ZNF438: variants seen among roughly 807,000 people sequenced by gnomAD.
ZNF438 encodes zinc finger protein 438.
ZNF438 carries 25 observed loss-of-function variants against 38.0 expected under a neutral mutation model. The ratio of observed to expected loss-of-function variants is 0.66; its 90% confidence interval spans 0.48 to 0.92. The LOEUF (loss-of-function observed/expected upper bound fraction) is 0.92. Among genes scored for constraint, ZNF438 ranks in the 40% least tolerant of loss-of-function variants. The pLI is 0.00. For synonymous variants in ZNF438, 372 were observed against 364.1 expected, an observed-to-expected ratio of 1.02 and a Z score of -0.25; for missense variants, 1,007 against 999.6, an observed-to-expected ratio of 1.01 and a Z score of -0.10.
rs773901841 is a variant in ZNF438 at position 30,849,243 on chromosome 10, T to C, written c.1162A>G (p.Lys388Glu). Residue 388 changes from lysine (K) to glutamate (E), a missense_variant, in exon 5 of 6, where the codon AAG becomes GAG. By Grantham distance (56) the Lys-to-Glu change is moderately conservative. Transcript: ENST00000413025. ...AATGCCAAAATTTCATCTGGTACCT[T>C]CCGTTTTCTTCCTTTTCTCTTTGCT... 3.7e-6 allele frequency: 6 copies of C among 1,614,190 alleles called. No individual in the cohort carries two copies. The highest frequency in any genetic ancestry group is 5.1e-6 in the Non-Finnish European group (6 of 1,180,040).
intron 3 of ZNF438, among the ~76,000 whole-genome samples, chr10:30,885,483 C>A (rs982517192): frequency 3.3e-5 from 5 of 152,220 alleles, no homozygotes; most frequent in African/African-American, 1.2e-4. Flanking sequence ...AGACCTACCA[C>A]TAGGTAATTC....
intron 4 of ZNF438, among the ~76,000 whole-genome samples, chr10:30,854,057 C>A (rs1307264113): frequency 6.7e-6 from 1 of 149,766 alleles, no homozygotes; most frequent in Non-Finnish European, 1.5e-5. Context: ...CGGTGGCTCA[C>A]GCCTGTAATC....
intron 1 of ZNF438, among the ~76,000 whole-genome samples, chr10:31,006,788 A>C (rs1348905569): frequency 9.6e-6 from 1 of 104,574 alleles, no homozygotes; most frequent in Admixed American, 1.1e-4. Flanking sequence ...CGGGGGGGGG[A>C]ACTCCCACAC....
intron 2 of ZNF438, among the ~76,000 whole-genome samples, chr10:30,936,234 T>C (rs1041704851): frequency 2.0e-5 from 3 of 152,226 alleles, no homozygotes; most frequent in African/African-American, 7.2e-5. Context: ...GAAAAATACA[T>C]GTAAAGAACA....
chr10:30,846,935 C>T (rs189529918), intron 5 of ZNF438, among the ~76,000 whole-genome samples: 29 of 152,196 alleles, frequency 1.9e-4, no homozygotes, highest in African/African-American at 2.9e-4. Context: ...GGTGTGCACA[C>T]GCTTGAGGCA....
chr10:30,947,569 G>A (rs372744105), intron 1 of ZNF438, among the ~76,000 whole-genome samples: 158 of 135,512 alleles, frequency 1.2e-3, no homozygotes, highest in African/African-American at 2.6e-3. Flanking sequence ...GGAGCTTCCC[G>A]GCTGCTTTGT....
chr10:31,014,592 AGCATGCTCT>A (rs1187644639), intron 1 of ZNF438, among the ~76,000 whole-genome samples: 1 of 152,160 alleles, frequency 6.6e-6, no homozygotes, highest in African/African-American at 2.4e-5. Flanking sequence ...TTCAGTCCAT[AGCATGCTCT>A]GTGGCAAGTA....
At chr10:30,861,648 A>G (rs2035597189) in intron 4 of ZNF438, among the ~76,000 whole-genome samples, 2 of 149,466 alleles carry the variant, frequency 1.3e-5, no homozygotes, top group African/African-American at 5.0e-5. Context: ...CTCAATTTCA[A>G]TGAATTTCTT....
intron 1 of ZNF438, among the ~76,000 whole-genome samples, chr10:30,947,667 A>C (rs188632409): frequency 6.6e-6 from 1 of 152,332 alleles, no homozygotes; most frequent in East Asian, 1.9e-4. Flanking sequence ...CTGTGCTAGC[A>C]ATCAGCGAGA....
At chr10:31,032,234 G>T (rs143796748), upstream of ZNF438, among the ~76,000 whole-genome samples, 1,909 of 152,334 alleles carry the variant, frequency 0.013, 121 homozygotes, top group Admixed American at 0.11. Flanking sequence ...GGGTTGTGAG[G>T]TAGTTTTTCC....
intron 1 of ZNF438, among the ~76,000 whole-genome samples, chr10:30,963,613 C>T (rs2049784556): frequency 6.6e-6 from 1 of 151,952 alleles, no homozygotes; most frequent in South Asian, 2.1e-4. Flanking sequence ...GTGGCTCACG[C>T]CTGTAATCCC....
intron 1 of ZNF438, among the ~76,000 whole-genome samples, chr10:30,982,235 G>A (rs1001284408): frequency 1.3e-5 from 2 of 151,756 alleles, no homozygotes; most frequent in Non-Finnish European, 2.9e-5. Flanking sequence ...CTGAGTAGCT[G>A]GGACTACAGG....
In ZNF438 at chr10:30,908,925, C is replaced by T. The variant is rs1400980141; in HGVS notation, c.-32+8G>A. 2 of 152,090 alleles carry T rather than the reference C, an allele frequency of 1.3e-5. No individual in the cohort carries two copies. Among genetic ancestry groups the T allele is most frequent in the African/African-American group, 2.4e-5 (1 of 41,420 alleles). The allele number at this position is 152,090 out of a possible 1,614,324, so 9.4% of individuals were successfully genotyped here. On this transcript the variant is annotated splice_region_variant and intron_variant, in intron 3 of 5. Transcript: ENST00000413025. ...ACATCAATATGCAAAAATTATTTAA[C>T]AAAATACCTTTTACTGTTCTTGCAT...
At chr10:30,888,146 C>T (rs1327186123) in intron 3 of ZNF438, among the ~76,000 whole-genome samples, 1 of 151,986 alleles carries the variant, frequency 6.6e-6, no homozygotes, top group Non-Finnish European at 1.5e-5. Context: ...GGGTAAAAAC[C>T]TGGGAGTGGA....
intron 1 of ZNF438, among the ~76,000 whole-genome samples, chr10:31,012,375 G>A (rs1048256623): frequency 3.9e-5 from 6 of 151,928 alleles, no homozygotes; most frequent in East Asian, 3.9e-4. Context: ...CGCCCACCTC[G>A]GCCTCCCAAA....
intron 4 of ZNF438, chr10:30,857,766 CAAAGG>C (rs1343997614): frequency 6.9e-7 from 1 of 1,451,522 alleles, no homozygotes. Flanking sequence ...CCATTGCCAT[CAAAGG>C]ATTGGATCTG....
chr10:30,849,286 T>C, exon 5 of ZNF438: 1 of 1,614,230 alleles, frequency 6.2e-7, no homozygotes, highest in African/African-American at 1.3e-5. Flanking sequence ...TGTTCAGTTT[T>C]GTTTTGTGGT....
At chr10:31,008,187 T>C (rs1432265307) in intron 1 of ZNF438, among the ~76,000 whole-genome samples, 1 of 152,222 alleles carries the variant, frequency 6.6e-6, no homozygotes, top group East Asian at 1.9e-4. Context: ...TTTTATTTAA[T>C]GGCCTTACAG....
intron 1 of ZNF438, among the ~76,000 whole-genome samples, chr10:30,944,693 TA>T (rs1211581208): frequency 6.6e-6 from 1 of 152,156 alleles, no homozygotes; most frequent in Non-Finnish European, 1.5e-5. Context: ...GAGTCATTTT[TA>T]TGCTGTATTT....
Sources: allele counts gnomAD v4.1 joint callset (sites outside exome capture counted in the v4.1 genomes callset), GRCh38; gene constraint gnomAD v4.1.1; transcripts MANE v1.5; gene names NCBI Gene and HGNC (gene_info 2026-07-23, HGNC 2026-07-21).